Variants in THSD7B observed in about 807,000 individuals in gnomAD.
THSD7B encodes thrombospondin type-1 domain-containing protein 7B.
A neutral mutation model predicts 213.6 loss-of-function variants in THSD7B; 138 were observed. That is an observed-to-expected ratio of 0.65 (90% confidence interval 0.56 to 0.74). THSD7B has a LOEUF of 0.74. Ranked by LOEUF, THSD7B falls within the 30% of genes least tolerant of loss-of-function variation. The pLI is 0.00. For synonymous variants in THSD7B, 742 were observed against 687.0 expected (o/e 1.08, Z -1.25); for missense variants, 1,931 against 1,991.5 (o/e 0.97, Z 0.58).
chr2:136,794,398 A>C (rs1682024139), intron 1 of THSD7B, among the ~76,000 whole-genome samples: 1 of 151,736 alleles, frequency 6.6e-6, no homozygotes, highest in Non-Finnish European at 1.5e-5. Flanking sequence ...TTAATATATT[A>C]TATTTTTATC....
chr2:137,295,372 T>C (rs1183103252), intron 12 of THSD7B, among the ~76,000 whole-genome samples: 1 of 152,202 alleles, frequency 6.6e-6, no homozygotes. Context: ...TTTCTTTATA[T>C]GATTTCTATG....
chr2:137,026,125 C>A (rs1262932804), intron 2 of THSD7B, among the ~76,000 whole-genome samples: 1 of 152,090 alleles, frequency 6.6e-6, no homozygotes, highest in East Asian at 1.9e-4. Flanking sequence ...AATGATAGAA[C>A]AGGGATGGCA....
intron 2 of THSD7B, among the ~76,000 whole-genome samples, chr2:136,917,838 C>T (rs1486200419): frequency 6.6e-6 from 1 of 152,160 alleles, no homozygotes. Flanking sequence ...GCGCCTTGAG[C>T]GATTTCTTTA....
At chr2:137,674,067 A>C (rs990611554) in intron 27 of THSD7B, among the ~76,000 whole-genome samples, 1 of 152,132 alleles carries the variant, frequency 6.6e-6, no homozygotes, top group African/African-American at 2.4e-5. Flanking sequence ...CCAAGCCTAG[A>C]TCATAGAGGC....
At chr2:136,989,998 T>C (rs1685740291) in intron 2 of THSD7B, among the ~76,000 whole-genome samples, 1 of 148,284 alleles carries the variant, frequency 6.7e-6, no homozygotes, top group Non-Finnish European at 1.5e-5. Flanking sequence ...TCTTCTGCTT[T>C]CTTTTCTTGT....
At chr2:137,063,647 CCATT>C (rs386650953) in intron 3 of THSD7B, among the ~76,000 whole-genome samples, 1 of 106,544 alleles carries the variant, frequency 9.4e-6, no homozygotes, top group Non-Finnish European at 1.8e-5. Flanking sequence ...TACTGTGTGC[CCATT>C]AATCTCCATT....
chr2:136,842,981 T>C (rs1248074564), intron 1 of THSD7B, among the ~76,000 whole-genome samples: 3 of 152,182 alleles, frequency 2.0e-5, no homozygotes, highest in Non-Finnish European at 4.4e-5. Context: ...TAATGTACTC[T>C]AATCAGGTAC....
At chr2:136,785,690 C>T (rs1247987013) in intron 1 of THSD7B, among the ~76,000 whole-genome samples, 1 of 152,184 alleles carries the variant, frequency 6.6e-6, no homozygotes, top group Non-Finnish European at 1.5e-5. Flanking sequence ...ATGAGCAACT[C>T]ATTAGGTGGA....
At chr2:137,306,309 G>A (rs1048860422) in intron 12 of THSD7B, among the ~76,000 whole-genome samples, 6 of 152,062 alleles carry the variant, frequency 3.9e-5, no homozygotes, top group East Asian at 1.9e-4. Context: ...AAGTCATTAC[G>A]TGGCACATGA....
intron 15 of THSD7B, among the ~76,000 whole-genome samples, chr2:137,500,854 A>G (rs1194162009): frequency 6.6e-6 from 1 of 152,232 alleles, no homozygotes; most frequent in East Asian, 1.9e-4. Flanking sequence ...AGCCTTGCCC[A>G]GAGCTTAGAG....
intron 12 of THSD7B, among the ~76,000 whole-genome samples, chr2:137,316,757 C>CAA (rs869268206): frequency 3.2e-4 from 7 of 21,780 alleles, no homozygotes; most frequent in Admixed American, 1.5e-3. Context: ...GACTCTGTCT[C>CAA]AAAAAAAAAA....
intron 15 of THSD7B, among the ~76,000 whole-genome samples, chr2:137,512,445 G>C (rs1256546527): frequency 7.6e-6 from 1 of 131,246 alleles, no homozygotes; most frequent in Non-Finnish European, 1.5e-5. Context: ...AGCCTGGAGA[G>C]CAATGGCATA....
At chr2:137,674,414 C>T (rs914868671) in intron 27 of THSD7B, among the ~76,000 whole-genome samples, 4 of 152,156 alleles carry the variant, frequency 2.6e-5, no homozygotes, top group Non-Finnish European at 1.5e-5. Flanking sequence ...ACCCCATCAC[C>T]ACCACCACCA....
In THSD7B at chr2:137,017,185, G is replaced by C. The variant is rs150019037; in HGVS notation, c.140-39235G>C. Reference sequence around the variant, plus strand: ...TTAGCACTGTGGATGAGGGATTGTGGACCTATAGTATGTATCCGCTATTCT... The same window carrying C: ...TTAGCACTGTGGATGAGGGATTGTGCACCTATAGTATGTATCCGCTATTCT... On this transcript the variant is annotated intron_variant, in intron 2 of 27. Coordinates refer to ENST00000409968, the MANE Select transcript of THSD7B (RefSeq NM_001316349.2). 2.1e-3 allele frequency among the ~76,000 whole-genome samples: 318 copies of C among 151,932 alleles called. 1 individual carries two copies. Among genetic ancestry groups the C allele is most frequent in the East Asian group, 7.6e-3 (39 of 5,150 alleles).
chr2:137,677,250 C>G lies in THSD7B; in HGVS notation c.*645C>G, dbSNP rs1173411108. The G allele has an allele frequency of 6.6e-6, 1 of 152,588 alleles. No homozygotes were observed. The highest frequency in any genetic ancestry group is 2.4e-5 in the African/African-American group (1 of 41,426). The allele number at this position is 152,588 out of a possible 1,614,324, so 9.5% of individuals were successfully genotyped here. ...GAAAATAGCAGCGTGTGTGTAATTGCTGGACTAGATGAAAGCTAGGTCATT... is the reference window on the plus strand; with the variant it reads ...GAAAATAGCAGCGTGTGTGTAATTGGTGGACTAGATGAAAGCTAGGTCATT... On this transcript the variant is annotated 3_prime_UTR_variant, in exon 28 of 28. Coordinates refer to ENST00000409968, the MANE Select transcript of THSD7B (RefSeq NM_001316349.2).
chr2:137,289,956 G>T (rs967646653), intron 12 of THSD7B, among the ~76,000 whole-genome samples: 1 of 151,902 alleles, frequency 6.6e-6, no homozygotes, highest in African/African-American at 2.4e-5. Flanking sequence ...AACTCCAGGC[G>T]AAACTCAGAA....
chr2:137,328,142 C>T (rs191170038), intron 12 of THSD7B, among the ~76,000 whole-genome samples: 16 of 152,102 alleles, frequency 1.1e-4, no homozygotes, highest in Middle Eastern at 3.4e-3. Context: ...TAGATAAATG[C>T]GTATGAGTCT....
chr2:137,566,188 T>G (rs1681235857), intron 16 of THSD7B, among the ~76,000 whole-genome samples: 1 of 152,224 alleles, frequency 6.6e-6, no homozygotes, highest in South Asian at 2.1e-4. Flanking sequence ...AATATTTGCC[T>G]TCTATGTATC....
intron 2 of THSD7B, among the ~76,000 whole-genome samples, chr2:136,979,176 C>T (rs1303832578): frequency 6.6e-6 from 1 of 151,984 alleles, no homozygotes; most frequent in Non-Finnish European, 1.5e-5. Context: ...AGTCTGATGG[C>T]CTTCCCTTTG....
Sources: allele counts gnomAD v4.1 joint callset (sites outside exome capture counted in the v4.1 genomes callset), GRCh38; gene constraint gnomAD v4.1.1; transcripts MANE v1.5; gene names NCBI Gene and HGNC (gene_info 2026-07-23, HGNC 2026-07-21).